Variants in CDH7 observed in about 807,000 individuals in gnomAD.
CDH7 encodes the protein cadherin 7.
In CDH7, 25 loss-of-function variants were observed where a neutral mutation model predicts 71.8. The observed-to-expected ratio is 0.35, with a 90% confidence interval of 0.25 to 0.49. The LOEUF (loss-of-function observed/expected upper bound fraction) is 0.49. Among genes scored for constraint, CDH7 ranks in the 20% least tolerant of loss-of-function variants. The pLI is 0.99. For missense variants in CDH7, 862 were observed against 974.6 expected (o/e 0.88, Z 1.54); for synonymous variants, 381 against 363.8 (o/e 1.05, Z -0.54).
intron 2 of CDH7, among the ~76,000 whole-genome samples, chr18:65,773,775 A>G (rs1447362391): frequency 1.3e-5 from 2 of 152,140 alleles, no homozygotes; most frequent in African/African-American, 4.8e-5. Flanking sequence ...TAATATCTGT[A>G]TGTTCTCAGT....
At chr18:65,845,489 T>G (rs1912905353) in intron 7 of CDH7, among the ~76,000 whole-genome samples, 1 of 152,118 alleles carries the variant, frequency 6.6e-6, no homozygotes. Context: ...ACTTTCTGAC[T>G]GCAGTTCAGC....
intron 11 of CDH7, among the ~76,000 whole-genome samples, chr18:65,870,411 G>A (rs901425238): frequency 2.0e-5 from 3 of 152,210 alleles, no homozygotes; most frequent in South Asian, 4.2e-4. Flanking sequence ...ACCAGACAGT[G>A]GTGGTACTCC....
upstream of CDH7, chr18:65,750,576 C>G (rs1415053157): frequency 6.6e-6 from 1 of 152,332 alleles, no homozygotes; most frequent in Admixed American, 6.5e-5. Context: ...CGCGAGGGTG[C>G]GCGCGTGTGT....
intron 2 of CDH7, among the ~76,000 whole-genome samples, chr18:65,784,389 C>G (rs891423952): frequency 6.6e-6 from 1 of 152,074 alleles, no homozygotes; most frequent in Admixed American, 6.6e-5. Context: ...AGCACAGACT[C>G]TGAAGCAGGA....
chr18:65,861,130 A>G (rs1223675654), intron 10 of CDH7, among the ~76,000 whole-genome samples: 3 of 152,208 alleles, frequency 2.0e-5, no homozygotes, highest in African/African-American at 7.2e-5. Flanking sequence ...GTCAGCATTT[A>G]TAGGACATCC....
At position 65,882,470 on chromosome 18, in the gene CDH7, C is replaced by T. The variant is rs370606420; in HGVS notation, c.*1576C>T. The T allele has an allele frequency of 1.3e-5, 2 of 152,006 alleles. No individual in the cohort carries two copies. Among genetic ancestry groups the T allele is most frequent in the African/African-American group, 4.8e-5 (2 of 41,494 alleles). 9.4% of individuals were successfully genotyped at this position (152,006 alleles called of 1,614,324 possible). On this transcript the variant is annotated 3_prime_UTR_variant, in exon 12 of 12. Coordinates refer to ENST00000397968, the MANE Select transcript of CDH7 (RefSeq NM_004361.5). ...TGTAGAGAATCATGTTCTAAAAGTG[C>T]TTTTTGAAAGGTAGACAGTGGAATT...
chr18:65,798,029 G>A (rs993425277), intron 2 of CDH7, among the ~76,000 whole-genome samples: 2 of 152,106 alleles, frequency 1.3e-5, no homozygotes, highest in Non-Finnish European at 2.9e-5. Flanking sequence ...GCACTTGAGC[G>A]AACATAAGAT....
At chr18:65,864,407 G>GT (rs1294279744) in intron 11 of CDH7, among the ~76,000 whole-genome samples, 1,375 of 137,440 alleles carry the variant, frequency 0.01, 15 homozygotes, top group African/African-American at 0.03. Context: ...GTTTTGTTTT[G>GT]TTTTTTTTTT....
At chr18:65,832,382 G>A (rs1030451691) in intron 6 of CDH7, among the ~76,000 whole-genome samples, 12 of 151,848 alleles carry the variant, frequency 7.9e-5, no homozygotes, top group Non-Finnish European at 1.6e-4. Flanking sequence ...AATAAATAGA[G>A]AAAATGAAAA....
intron 6 of CDH7, among the ~76,000 whole-genome samples, chr18:65,834,817 C>T (rs566818967): frequency 1.2e-4 from 18 of 152,264 alleles, no homozygotes; most frequent in East Asian, 1.2e-3. Context: ...TATTTTGGTT[C>T]ATTTTATCTG....
intron 2 of CDH7, among the ~76,000 whole-genome samples, chr18:65,793,395 A>G (rs1000945096): frequency 1.3e-5 from 2 of 150,674 alleles, no homozygotes; most frequent in Non-Finnish European, 3.0e-5. Flanking sequence ...TACTCCAGCC[A>G]GGGTAACAGC....
intron 2 of CDH7, among the ~76,000 whole-genome samples, chr18:65,790,672 C>A (rs1910681801): frequency 1.3e-5 from 2 of 152,242 alleles, no homozygotes; most frequent in Admixed American, 6.5e-5. Context: ...AGTCCAAGAC[C>A]AGCCTGGCTA....
At chr18:65,784,113 ATTTT>A (rs72393865) in intron 2 of CDH7, among the ~76,000 whole-genome samples, 2 of 106,806 alleles carry the variant, frequency 1.9e-5, no homozygotes, top group African/African-American at 3.7e-5. Flanking sequence ...ACCCACAGCT[ATTTT>A]TTTTTTTTTT....
chr18:65,814,650 C>T, intron 4 of CDH7, 46 bp downstream of exon 4: 1 of 1,554,224 alleles, frequency 6.4e-7, no homozygotes, highest in Non-Finnish European at 8.7e-7. Context: ...CATTTGTTTG[C>T]TGCTTAGAAT....
intron 6 of CDH7, among the ~76,000 whole-genome samples, chr18:65,829,717 A>G (rs1369434599): frequency 1.3e-5 from 2 of 151,680 alleles, no homozygotes; most frequent in African/African-American, 2.4e-5. Flanking sequence ...CCTTTAAACA[A>G]TAAACAGAAG....
In CDH7 at chr18:65,751,061, G is replaced by T. The variant is rs1915858568; in HGVS notation, c.-286G>T. 1 of 152,238 alleles carries T rather than the reference G, an allele frequency of 6.6e-6. No individual in the cohort carries two copies. Among genetic ancestry groups the T allele is most frequent in the African/African-American group, 2.4e-5 (1 of 41,474 alleles). The allele number at this position is 152,238 out of a possible 1,614,324, so 9.4% of individuals were successfully genotyped here. On this transcript the variant is annotated 5_prime_UTR_variant, in exon 1 of 12. Transcript: ENST00000397968. ...GCGCACTGGGTCCCCAAGAGCCCGC[G>T]GGCGTCCGGCAGCCGAGCGCACGTT...
chr18:65,843,619 C>A (rs72944052), intron 6 of CDH7, among the ~76,000 whole-genome samples, 193 bp from the exon 7 acceptor site: 1 of 152,136 alleles, frequency 6.6e-6, no homozygotes, highest in Non-Finnish European at 1.5e-5. Context: ...GATTCAAAAG[C>A]ACTAACCATT....
chr18:65,789,475 G>T (rs911938467), intron 2 of CDH7, among the ~76,000 whole-genome samples: 1 of 146,900 alleles, frequency 6.8e-6, no homozygotes, highest in Non-Finnish European at 1.5e-5. Context: ...TTTTTTGTTT[G>T]TTTTTTTTTG....
chr18:65,870,513 G>A (rs760366850), intron 11 of CDH7, among the ~76,000 whole-genome samples: 2 of 152,004 alleles, frequency 1.3e-5, no homozygotes, highest in African/African-American at 2.4e-5. Context: ...GAATCTAAAT[G>A]TTTCTCATGG....
Sources: gnomAD v4.1 joint callset for allele counts (sites outside exome capture counted in the v4.1 genomes callset) on GRCh38, gnomAD v4.1.1 for gene constraint, MANE v1.5 for transcripts, NCBI Gene and HGNC (gene_info 2026-07-23, HGNC 2026-07-21) for gene names.